DCC: variants seen among roughly 807,000 people sequenced by gnomAD.
The protein encoded by DCC is DCC netrin 1 receptor, also known as netrin receptor DCC.
DCC carries 58 observed loss-of-function variants against 172.5 expected under a neutral mutation model. The ratio of observed to expected loss-of-function variants is 0.34; its 90% CI spans 0.27 to 0.42. The LOEUF (loss-of-function observed/expected upper bound fraction) is 0.42. Among genes scored for constraint, DCC ranks in the 10% least tolerant of loss-of-function variants. The pLI, the probability that DCC is intolerant of heterozygous loss-of-function variation, is 1.00. For synonymous variants in DCC, 709 were observed against 644.5 expected, an observed-to-expected ratio of 1.10 and a Z score of -1.52; for missense variants, 1,740 against 1,791.0, an observed-to-expected ratio of 0.97 and a Z score of 0.51.
intron 18 of DCC, among the ~76,000 whole-genome samples, chr18:53,401,840 G>T (rs1430189530): frequency 6.6e-6 from 1 of 152,176 alleles, no homozygotes; most frequent in Non-Finnish European, 1.5e-5. Context: ...AAGCCTGGAA[G>T]ATCCTTGGCT....
At chr18:53,359,173 G>A (rs144380841) in intron 15 of DCC, among the ~76,000 whole-genome samples, 273 of 152,244 alleles carry the variant, frequency 1.8e-3, no homozygotes, top group African/African-American at 5.9e-3. Flanking sequence ...GTTATAAATA[G>A]AGAGATAACT....
At chr18:52,961,337 G>C (rs1182045218) in intron 5 of DCC, among the ~76,000 whole-genome samples, 1 of 152,060 alleles carries the variant, frequency 6.6e-6, no homozygotes, top group Non-Finnish European at 1.5e-5. Context: ...TGTGCACTAA[G>C]ACACAATGAT....
At chr18:53,033,369 C>T (rs538280650) in intron 5 of DCC, among the ~76,000 whole-genome samples, 1 of 152,228 alleles carries the variant, frequency 6.6e-6, no homozygotes, top group African/African-American at 2.4e-5. Context: ...CTTGATTTCC[C>T]AAGCACTGTG....
intron 1 of DCC, among the ~76,000 whole-genome samples, chr18:52,474,441 C>T (rs1457363917): frequency 6.6e-6 from 1 of 152,080 alleles, no homozygotes; most frequent in East Asian, 1.9e-4. Context: ...TCTCCAAGTC[C>T]CATTTGCTGA....
chr18:52,449,991 A>G (rs926817620), intron 1 of DCC, among the ~76,000 whole-genome samples: 2 of 152,212 alleles, frequency 1.3e-5, no homozygotes, highest in African/African-American at 4.8e-5. Context: ...GCATGAGAAC[A>G]GACTAATACA....
intron 12 of DCC, among the ~76,000 whole-genome samples, chr18:53,217,322 C>CACATGTATAT (rs2055869880): frequency 1.5e-5 from 1 of 67,504 alleles, no homozygotes; most frequent in Non-Finnish European, 4.6e-5. Context: ...CACACACACA[C>CACATGTATAT]ACACACACAC....
chr18:52,361,741 C>A (rs994741038), intron 1 of DCC, among the ~76,000 whole-genome samples: 3 of 152,200 alleles, frequency 2.0e-5, no homozygotes, highest in Non-Finnish European at 4.4e-5. Flanking sequence ...CTATGCAAGT[C>A]AAAGTTTGAG....
At chr18:52,580,865 G>T (rs139707288) in intron 1 of DCC, among the ~76,000 whole-genome samples, 2 of 152,128 alleles carry the variant, frequency 1.3e-5, no homozygotes, top group African/African-American at 4.8e-5. Context: ...AACCACTGTG[G>T]TATTCACACT....
chr18:52,938,435 T>C (rs1181341188), intron 5 of DCC, among the ~76,000 whole-genome samples: 1 of 152,120 alleles, frequency 6.6e-6, no homozygotes, highest in Non-Finnish European at 1.5e-5. Context: ...GTCTGGAACA[T>C]GTGAAGCATT....
At chr18:52,952,292 T>C (rs1474514566) in intron 5 of DCC, among the ~76,000 whole-genome samples, 1 of 152,168 alleles carries the variant, frequency 6.6e-6, no homozygotes, top group Admixed American at 6.5e-5. Flanking sequence ...CTTCAAACAG[T>C]TCAGCAGTAT....
chr18:53,320,648 T>A (rs2057400536), intron 13 of DCC, among the ~76,000 whole-genome samples: 1 of 152,310 alleles, frequency 6.6e-6, no homozygotes, highest in African/African-American at 2.4e-5. Flanking sequence ...GTTGGAAGCA[T>A]CTCTTTGCCA....
chr18:52,838,610 A>G (rs777555075), intron 2 of DCC, among the ~76,000 whole-genome samples: 7 of 152,226 alleles, frequency 4.6e-5, no homozygotes, highest in African/African-American at 7.2e-5. Flanking sequence ...TTAAACAATA[A>G]TAAGTATTTA....
intron 5 of DCC, among the ~76,000 whole-genome samples, chr18:53,047,818 CT>C (rs1366459939): frequency 6.6e-6 from 1 of 151,540 alleles, no homozygotes. Flanking sequence ...TTATTTTTCT[CT>C]TGTGAAAAAT....
intron 1 of DCC, among the ~76,000 whole-genome samples, chr18:52,532,692 G>A (rs2032184890): frequency 6.6e-6 from 1 of 152,082 alleles, no homozygotes; most frequent in African/African-American, 2.4e-5. Context: ...GTACAAGAGA[G>A]AAGAGAGCTG....
intron 2 of DCC, among the ~76,000 whole-genome samples, chr18:52,878,434 G>A (rs1382044613): frequency 6.6e-6 from 1 of 152,078 alleles, no homozygotes; most frequent in Non-Finnish European, 1.5e-5. Context: ...TTTTGGGACT[G>A]CATTAGTGTT....
At chr18:53,051,587 C>T (rs1340488612) in intron 5 of DCC, among the ~76,000 whole-genome samples, 1 of 152,036 alleles carries the variant, frequency 6.6e-6, no homozygotes, top group African/African-American at 2.4e-5. Flanking sequence ...GAGCACTTTT[C>T]ATAATTGACA....
rs565722930 is a variant in DCC at position 52,902,832 on chromosome 18, AAAAG to A, written c.413-3208_413-3205del. Among the ~76,000 whole-genome samples the A allele has an allele frequency of 4.6e-5, 7 of 152,228 alleles. No homozygotes were observed. The East Asian group carries it at 7.7e-4, about 17-fold the overall frequency. On this transcript the variant is annotated intron_variant, in intron 2 of 28. Coordinates refer to ENST00000442544, the MANE Select transcript of DCC (RefSeq NM_005215.4). ...GTGTAGAGTTTCCCATTTAGAGACA[AAAAG>A]AAAAGACTATGCATCATGTTTATAA...
intron 15 of DCC, among the ~76,000 whole-genome samples, chr18:53,372,460 G>A (rs757034237): frequency 3.3e-5 from 5 of 151,916 alleles, no homozygotes; most frequent in African/African-American, 7.3e-5. Context: ...CCTACTTGAG[G>A]GTAAAGGGTA....
intron 1 of DCC, among the ~76,000 whole-genome samples, chr18:52,659,092 C>T (rs1405559393): frequency 6.6e-6 from 1 of 151,988 alleles, no homozygotes; most frequent in Non-Finnish European, 1.5e-5. Flanking sequence ...ATCATTTTAC[C>T]TTTTGCCCAG....
Sources: gnomAD v4.1 joint callset for allele counts (sites outside exome capture counted in the v4.1 genomes callset) on GRCh38, gnomAD v4.1.1 for gene constraint, MANE v1.5 for transcripts, NCBI Gene and HGNC (gene_info 2026-07-23, HGNC 2026-07-21) for gene names.